Variants in MACO1 observed in about 807,000 individuals in gnomAD.
MACO1 encodes the protein macoilin.
A neutral mutation model predicts 78.7 loss-of-function variants in MACO1; 14 were observed. The observed-to-expected ratio is 0.18, with a 90% CI of 0.12 to 0.28. The LOEUF (loss-of-function observed/expected upper bound fraction) is 0.28. Ranked by LOEUF, MACO1 falls within the 10% of genes least tolerant of loss-of-function variation. The pLI, the probability that MACO1 is intolerant of heterozygous loss-of-function variation, is 1.00. For synonymous variants in MACO1, 288 were observed against 291.6 expected, an observed-to-expected ratio of 0.99 and a Z score of 0.12; for missense variants, 501 against 799.0, an observed-to-expected ratio of 0.63 and a Z score of 4.50.
At chr1:25,441,213 G>A (rs146295079) in intron 1 of MACO1, among the ~76,000 whole-genome samples, 35 of 151,252 alleles carry the variant, frequency 2.3e-4, no homozygotes, top group East Asian at 7.7e-4. Flanking sequence ...TTTTTGAGAC[G>A]GAGTTTTGCT....
intron 1 of MACO1, among the ~76,000 whole-genome samples, chr1:25,446,318 A>G (rs1016573578): frequency 2.6e-5 from 4 of 152,220 alleles, no homozygotes; most frequent in Non-Finnish European, 5.9e-5. Context: ...GCATGTAAGG[A>G]TGTGCGTCAA....
intron 1 of MACO1, among the ~76,000 whole-genome samples, chr1:25,438,968 T>A (rs1363352350): frequency 1.3e-5 from 2 of 152,086 alleles, no homozygotes; most frequent in Non-Finnish European, 2.9e-5. Flanking sequence ...CTGTTTTTGT[T>A]AAGAAAGAAA....
At chr1:25,495,277 G>A (rs1453547883) in intron 10 of MACO1, among the ~76,000 whole-genome samples, 1 of 152,218 alleles carries the variant, frequency 6.6e-6, no homozygotes, top group African/African-American at 2.4e-5. Flanking sequence ...TGTCAGCCCA[G>A]AAATCCTCCT....
chr1:25,492,809 G>C (rs1366743543), intron 10 of MACO1, among the ~76,000 whole-genome samples: 1 of 152,130 alleles, frequency 6.6e-6, no homozygotes, highest in South Asian at 2.1e-4. Flanking sequence ...GTACTCTATA[G>C]AGTACTAAAT....
chr1:25,457,108 T>G (rs2043128440), intron 5 of MACO1, among the ~76,000 whole-genome samples: 1 of 151,896 alleles, frequency 6.6e-6, no homozygotes, highest in South Asian at 2.1e-4. Flanking sequence ...TTTTTTAAAT[T>G]TAGTTTTTTG....
intron 1 of MACO1, among the ~76,000 whole-genome samples, chr1:25,431,557 G>T (rs1571942489): frequency 6.6e-6 from 1 of 151,972 alleles, no homozygotes; most frequent in Non-Finnish European, 1.5e-5. Flanking sequence ...GCCGCCGCTG[G>T]CCCCCGAGCC....
At position 25,454,374 on chromosome 1, in the gene MACO1, T is replaced by C; in HGVS notation, c.465T>C (p.Ala155=). 1 of 1,606,670 alleles carries C rather than the reference T, an allele frequency of 6.2e-7. No individual in the cohort carries two copies. The part of the protein sequence containing the change: ...NFHVDLCRPF[A]AHCIGYPVVT... ...ATGTAGACCTTTGTCGTCCATTTGC[T>C]GCTCACTGGTAAGTATTACATAAAT... The change falls in exon 4 of 11, where the codon GCT becomes GCC. Residue 155 remains alanine (A), a synonymous_variant. Coordinates refer to ENST00000374343, the MANE Select transcript of MACO1 (RefSeq NM_018202.6).
chr1:25,464,635 G>A (rs937806183), intron 6 of MACO1, among the ~76,000 whole-genome samples: 84 of 144,464 alleles, frequency 5.8e-4, no homozygotes, highest in African/African-American at 2.0e-3. Context: ...GTGAGTCACC[G>A]CACCCGTCTA....
intron 6 of MACO1, among the ~76,000 whole-genome samples, chr1:25,474,291 T>C (rs1054305616): frequency 1.3e-5 from 2 of 152,128 alleles, no homozygotes; most frequent in Admixed American, 6.5e-5. Context: ...ACAAAACATG[T>C]TTATGGGCTA....
chr1:25,445,587 T>A (rs1489799388), intron 1 of MACO1, among the ~76,000 whole-genome samples: 1 of 152,068 alleles, frequency 6.6e-6, no homozygotes, highest in Non-Finnish European at 1.5e-5. Flanking sequence ...TTCTTTTTAT[T>A]ATTTTACTTT....
At chr1:25,461,388 A>G (rs190284058) in intron 6 of MACO1, among the ~76,000 whole-genome samples, 5 of 152,306 alleles carry the variant, frequency 3.3e-5, no homozygotes, top group South Asian at 2.1e-4. Context: ...AAAGAATACT[A>G]TGCAAAGAAT....
At chr1:25,449,289 A>G (rs1416526266) in intron 3 of MACO1, among the ~76,000 whole-genome samples, 1 of 152,104 alleles carries the variant, frequency 6.6e-6, no homozygotes. Context: ...CATCATTGAA[A>G]GGAATGTCAT....
In MACO1 at chr1:25,454,566, C is replaced by G. The variant is rs543885109; in HGVS notation, c.473+184C>G. On this transcript the variant is annotated intron_variant, in intron 4 of 10. Coordinates refer to ENST00000374343, the MANE Select transcript of MACO1 (RefSeq NM_018202.6). ...TGGCACGATCTTGGTTATGCAACCT[C>G]TGCCTCCCGGCTTCAAGCGATTTTC... Among the ~76,000 whole-genome samples, 3 of 150,040 alleles carry G rather than the reference C, an allele frequency of 2.0e-5. No individual in the cohort carries two copies. The South Asian group carries it at 6.3e-4, about 32-fold the overall frequency.
chr1:25,463,597 C>G (rs1171767709), intron 6 of MACO1, among the ~76,000 whole-genome samples: 1 of 152,076 alleles, frequency 6.6e-6, no homozygotes, highest in Admixed American at 6.6e-5. Flanking sequence ...TGAGGAAGAT[C>G]AGTTGTTTTA....
At chr1:25,477,381 T>C (rs1029418737) in intron 6 of MACO1, among the ~76,000 whole-genome samples, 5 of 152,212 alleles carry the variant, frequency 3.3e-5, no homozygotes, top group Non-Finnish European at 5.9e-5. Context: ...AACCTACCTT[T>C]CAATTAGTTG....
chr1:25,492,511 C>T (rs1447381186), intron 10 of MACO1, among the ~76,000 whole-genome samples: 5 of 151,690 alleles, frequency 3.3e-5, no homozygotes, highest in African/African-American at 1.2e-4. Context: ...GTGAAAAGCC[C>T]GGCAGGGGGA....
rs2043557013 is a variant in MACO1, at chr1:25,498,454, C to T, written c.1983C>T (p.Pro661=). Residue 661 remains proline, a synonymous_variant, in exon 11 of 11, where the codon CCC becomes CCT. Transcript: ENST00000374343. ...ACCCCAATGCCTCTGTTTACCAGCC[C>T]CTGAAGAAATGAAGGCCAGCTGTGT... ...GLDPNASVYQ[P]LKK 5 of 1,609,042 alleles carry T rather than the reference C, an allele frequency of 3.1e-6. No homozygotes were observed. The highest frequency in any genetic ancestry group is 4.2e-6 in the Non-Finnish European group (5 of 1,178,302).
chr1:25,499,997 CT>C lies in MACO1; in HGVS notation c.*1533del, dbSNP rs2043572439. ...CTGCCATTTTGCATTTTTGAATCAT[CT>C]TGTGTAATTGTCACCATGAAAGTGT... On this transcript the variant is annotated 3_prime_UTR_variant, in exon 11 of 11. Coordinates refer to ENST00000374343, the MANE Select transcript of MACO1 (RefSeq NM_018202.6). 1 of 152,158 alleles carries C rather than the reference CT, an allele frequency of 6.6e-6. No individual in the cohort carries two copies. Among genetic ancestry groups the C allele is most frequent in the African/African-American group, 2.4e-5 (1 of 41,440 alleles). The allele number at this position is 152,158 out of a possible 1,614,324, so 9.4% of individuals were successfully genotyped here.
intron 6 of MACO1, among the ~76,000 whole-genome samples, chr1:25,481,522 C>G (rs1225754012): frequency 6.6e-6 from 1 of 152,168 alleles, no homozygotes; most frequent in Admixed American, 6.5e-5. Flanking sequence ...AAAAACTCAC[C>G]CTTTCTACTG....
Sources: gnomAD v4.1 joint callset for allele counts (sites outside exome capture counted in the v4.1 genomes callset) on GRCh38, gnomAD v4.1.1 for gene constraint, MANE v1.5 for transcripts, NCBI Gene and HGNC (gene_info 2026-07-23, HGNC 2026-07-21) for gene names.